The following ESRRG variants were observed in gnomAD, a reference collection of about 807,000 sequenced individuals.
ESRRG encodes estrogen-related receptor gamma.
ESRRG carries 13 observed loss-of-function variants against 44.0 expected under a neutral mutation model. The observed-to-expected ratio is 0.30, with a 90% CI of 0.19 to 0.47. ESRRG has a LOEUF of 0.47. Ranked by LOEUF, ESRRG falls within the 20% of genes least tolerant of loss-of-function variation. ESRRG has a pLI of 1.00. For missense variants in ESRRG, 395 were observed against 580.6 expected (o/e 0.68, Z 3.29); for synonymous variants, 215 against 214.6 (o/e 1.00, Z -0.02).
chr1:216,675,375 A>G (rs2075916633), intron 2 of ESRRG, among the ~76,000 whole-genome samples: 1 of 152,094 alleles, frequency 6.6e-6, no homozygotes, highest in Non-Finnish European at 1.5e-5. Context: ...AGAAAAAAAA[A>G]AGGGGGAGAA....
At chr1:216,998,812 T>C (rs1212894876) in intron 1 of ESRRG, among the ~76,000 whole-genome samples, 1 of 152,260 alleles carries the variant, frequency 6.6e-6, no homozygotes, top group East Asian at 1.9e-4. Flanking sequence ...AACAAATTTA[T>C]ACAATTTATA....
At chr1:216,775,188 C>T (rs72739420) in intron 2 of ESRRG, among the ~76,000 whole-genome samples, 16,491 of 151,908 alleles carry the variant, frequency 0.11, 1,215 homozygotes, top group Non-Finnish European at 0.17. Context: ...GCCCTATTTC[C>T]AGTTTGCCAT....
At chr1:216,716,468 G>C (rs567098127) in intron 1 of ESRRG, among the ~76,000 whole-genome samples, 16 of 152,018 alleles carry the variant, frequency 1.1e-4, no homozygotes, top group Non-Finnish European at 1.8e-4. Flanking sequence ...AAGTTAAATT[G>C]ACATGTCTGT....
chr1:216,675,372 A>C (rs900875923), intron 2 of ESRRG, among the ~76,000 whole-genome samples: 1 of 152,176 alleles, frequency 6.6e-6, no homozygotes, highest in Non-Finnish European at 1.5e-5. Context: ...AAAAGAAAAA[A>C]AAAAGGGGGA....
At chr1:216,650,363 G>T (rs6700565) in intron 3 of ESRRG, among the ~76,000 whole-genome samples, 9,304 of 152,152 alleles carry the variant, frequency 0.061, 858 homozygotes, top group African/African-American at 0.2. Flanking sequence ...TAGTTGAGTG[G>T]CATCTAGAAT....
chr1:216,703,766 G>T (rs1007603328), intron 1 of ESRRG, among the ~76,000 whole-genome samples: 2 of 151,668 alleles, frequency 1.3e-5, no homozygotes, highest in Non-Finnish European at 2.9e-5. Flanking sequence ...GGAAGAGAGA[G>T]AGCTGGGATG....
intron 2 of ESRRG, chr1:216,855,248 G>C (rs554294763): frequency 6.6e-6 from 1 of 152,182 alleles, no homozygotes; most frequent in South Asian, 2.1e-4. Flanking sequence ...CAATAACAGG[G>C]CTTAGGTACA....
rs1243398576 is a variant in ESRRG at position 216,564,233 on chromosome 1, G to A, written c.848C>T (p.Ala283Val). 3 of 1,508,214 alleles carry A rather than the reference G, an allele frequency of 2.0e-6. No homozygotes were observed. The highest frequency in any genetic ancestry group is 2.5e-5 in the East Asian group (1 of 40,256). The allele number at this position is 1,508,214 out of a possible 1,614,324, so 93.4% of individuals were successfully genotyped here. A position where few individuals can be genotyped will look rare whatever the true frequency, so the allele number is the denominator to read the frequency against. ...AGAAAATGTACCTGGAATATGCTTC[G>A]CCCATCCAATGATAACCACCAACTC... ...DRELVVIIGW[A>V]KHIPGFSTLS... The change falls in exon 5 of 7, where the codon GCG becomes GTG. Residue 283 changes from alanine (A) to valine (V), a missense_variant. Physicochemically the swap from Ala to Val is moderately conservative, Grantham distance 64 (BLOSUM62 0). Around this residue, in one of 5 missense-constraint regions of ESRRG, gnomAD observed 167 missense variants for 251.8 expected, o/e 0.66. Transcript: ENST00000408911.
chr1:216,708,406 A>G (rs1053803021), intron 1 of ESRRG, among the ~76,000 whole-genome samples: 4 of 152,224 alleles, frequency 2.6e-5, no homozygotes, highest in African/African-American at 7.2e-5. Context: ...ATATTCACAA[A>G]TAGATCCACC....
Position 216,779,238 on chromosome 1 carries a change from T to C in ESRRG, c.-13-101747A>G, listed in dbSNP as rs1347566717. Reference sequence around the variant, plus strand: ...ATATATTTATATTTATAAATATAAATATATATTTATATTTATAAATATAAA... The same window carrying C: ...ATATATTTATATTTATAAATATAAACATATATTTATATTTATAAATATAAA... On this transcript the variant is annotated intron_variant, in intron 2 of 7. Coordinates refer to the ESRRG transcript ENST00000359162. 8.1e-4 allele frequency among the ~76,000 whole-genome samples: 56 copies of C among 68,734 alleles called. 3 individuals are homozygous for C. Among genetic ancestry groups the C allele is most frequent in the African/African-American group, 4.0e-3 (43 of 10,746 alleles). The allele number at this position is 68,734 out of a possible 152,430, so 45.1% of individuals were successfully genotyped here.
intron 5 of ESRRG, among the ~76,000 whole-genome samples, chr1:216,558,313 G>A (rs73089920): frequency 1.3e-5 from 2 of 152,052 alleles, no homozygotes; most frequent in Non-Finnish European, 1.5e-5. Context: ...TATTAAACTG[G>A]TAAATTTTCA....
At chr1:216,608,739 G>A (rs556274315) in intron 3 of ESRRG, among the ~76,000 whole-genome samples, 2 of 152,138 alleles carry the variant, frequency 1.3e-5, no homozygotes, top group East Asian at 3.9e-4. Flanking sequence ...TGGTTCTTGG[G>A]GATCTAAGCT....
chr1:217,017,487 A>AT lies in ESRRG; in HGVS notation c.-106+72019_-106+72020insA, dbSNP rs1406988965. On this transcript the variant is annotated intron_variant, in intron 1 of 7. Transcript: ENST00000359162. ...GAGAATCTACATAACTCAAAAAAAA[A>AT]AAAAAAAAAAAGGAGAAAACCACTC... Among the ~76,000 whole-genome samples the AT allele has an allele frequency of 1.7e-3, 241 of 145,862 alleles. 1 individual carries two copies. Among genetic ancestry groups the AT allele is most frequent in the Admixed American group, 5.0e-3 (72 of 14,368 alleles).
chr1:216,689,598 G>T (rs1223688423), intron 1 of ESRRG, among the ~76,000 whole-genome samples: 1 of 151,804 alleles, frequency 6.6e-6, no homozygotes, highest in Non-Finnish European at 1.5e-5. Context: ...TAAAAATTTG[G>T]ATTTCAACTA....
chr1:216,893,488 G>A (rs944432096), intron 2 of ESRRG, among the ~76,000 whole-genome samples: 3 of 152,094 alleles, frequency 2.0e-5, no homozygotes, highest in African/African-American at 7.2e-5. Context: ...AAATAATTAT[G>A]TTGCTATTAA....
At chr1:216,728,514 G>A (rs72737401) in intron 2 of ESRRG, among the ~76,000 whole-genome samples, 2,558 of 151,986 alleles carry the variant, frequency 0.017, 28 homozygotes, top group Non-Finnish European at 0.026. Flanking sequence ...TGGCGGGGGC[G>A]GGTAGTGGAG....
At chr1:216,795,171 C>T (rs980290975) in intron 2 of ESRRG, among the ~76,000 whole-genome samples, 6 of 151,912 alleles carry the variant, frequency 3.9e-5, no homozygotes, top group African/African-American at 1.2e-4. Context: ...CCTGAAGACA[C>T]GAAGTAATGT....
chr1:216,894,024 T>C (rs1238142536), intron 2 of ESRRG, among the ~76,000 whole-genome samples: 1 of 152,206 alleles, frequency 6.6e-6, no homozygotes, highest in Non-Finnish European at 1.5e-5. Context: ...TTTTCCAAAA[T>C]GCATGTTGGC....
intron 2 of ESRRG, among the ~76,000 whole-genome samples, chr1:216,660,207 T>A (rs2071914777): frequency 2.0e-5 from 3 of 152,182 alleles, no homozygotes; most frequent in Admixed American, 2.0e-4. Flanking sequence ...CTATGATTGC[T>A]CCACCCTCTT....
Sources: allele counts gnomAD v4.1 joint callset (sites outside exome capture counted in the v4.1 genomes callset), GRCh38; gene constraint gnomAD v4.1.1; regional missense constraint gnomAD v4.1.1; transcripts MANE v1.5; gene names NCBI Gene and HGNC (gene_info 2026-07-23, HGNC 2026-07-21).